Variants in PTPRM observed in about 807,000 individuals in gnomAD.
The protein encoded by PTPRM is receptor-type tyrosine-protein phosphatase mu.
A neutral mutation model predicts 186.7 loss-of-function variants in PTPRM; 47 were observed. The ratio of observed to expected loss-of-function variants is 0.25; its 90% CI spans 0.20 to 0.32. The LOEUF (loss-of-function observed/expected upper bound fraction) is 0.32, where lower values mean the gene tolerates loss of function less well. Ranked by LOEUF, PTPRM falls within the 10% of genes least tolerant of loss-of-function variation. PTPRM has a pLI of 1.00. For synonymous variants in PTPRM, 668 were observed against 674.9 expected, an observed-to-expected ratio of 0.99 and a Z score of 0.16; for missense variants, 1,494 against 1,865.0, an observed-to-expected ratio of 0.80 and a Z score of 3.66.
intron 1 of PTPRM, among the ~76,000 whole-genome samples, chr18:7,762,395 A>G (rs2041818339): frequency 6.6e-6 from 1 of 152,032 alleles, no homozygotes; most frequent in South Asian, 2.1e-4. Context: ...TATGGGCAGG[A>G]GGATCATTGG....
At chr18:7,781,145 A>C (rs1259271116) in intron 2 of PTPRM, among the ~76,000 whole-genome samples, 1 of 152,216 alleles carries the variant, frequency 6.6e-6, no homozygotes, top group African/African-American at 2.4e-5. Flanking sequence ...ATTTTGACTC[A>C]GCTAAATGGG....
At chr18:7,843,136 C>T (rs1454799320) in intron 2 of PTPRM, among the ~76,000 whole-genome samples, 7 of 151,968 alleles carry the variant, frequency 4.6e-5, no homozygotes, top group Non-Finnish European at 4.4e-5. Flanking sequence ...TAAAGTCACA[C>T]AGCTTATAAC....
intron 14 of PTPRM, among the ~76,000 whole-genome samples, chr18:8,167,827 T>G (rs9961564): frequency 0.053 from 8,044 of 152,308 alleles, 696 homozygotes; most frequent in African/African-American, 0.18. Flanking sequence ...CAGCAGTTCC[T>G]GTTCTTTGCC....
At chr18:8,404,256 C>CA (rs2148656850) in intron 32 of PTPRM, 1 of 152,340 alleles carries the variant, frequency 6.6e-6, no homozygotes, top group Admixed American at 6.5e-5. Context: ...AATGTTATTC[C>CA]ACTGACATTA....
chr18:7,975,244 A>G (rs375796759), intron 7 of PTPRM, among the ~76,000 whole-genome samples: 2 of 152,228 alleles, frequency 1.3e-5, no homozygotes, highest in Admixed American at 6.5e-5. Flanking sequence ...TTACTGTACA[A>G]TCCAGCAGTT....
intron 7 of PTPRM, among the ~76,000 whole-genome samples, chr18:8,064,701 C>A (rs925458360): frequency 6.6e-6 from 1 of 152,176 alleles, no homozygotes; most frequent in Non-Finnish European, 1.5e-5. Context: ...TTCAGCTTGA[C>A]TGACAAGGTA....
At chr18:7,829,198 T>C (rs1433765282) in intron 2 of PTPRM, among the ~76,000 whole-genome samples, 1 of 152,244 alleles carries the variant, frequency 6.6e-6, no homozygotes, top group Admixed American at 6.5e-5. Flanking sequence ...AAAGCACTTC[T>C]GTTGAGAGGA....
chr18:7,717,585 C>T (rs2040363703), intron 1 of PTPRM, among the ~76,000 whole-genome samples: 1 of 152,216 alleles, frequency 6.6e-6, no homozygotes, highest in South Asian at 2.1e-4. Context: ...TAGTTCATTG[C>T]CTTCACTGGC....
At chr18:7,881,879 T>C (rs2048526709) in intron 2 of PTPRM, among the ~76,000 whole-genome samples, 1 of 152,158 alleles carries the variant, frequency 6.6e-6, no homozygotes, top group Non-Finnish European at 1.5e-5. Context: ...CCACTTTCCC[T>C]CTTCATTTTC....
At chr18:7,803,673 G>A (rs1029319419) in intron 2 of PTPRM, among the ~76,000 whole-genome samples, 5 of 152,090 alleles carry the variant, frequency 3.3e-5, no homozygotes, top group Non-Finnish European at 7.3e-5. Context: ...AGAAGAGAAG[G>A]GGCTGAAGAA....
At chr18:7,786,878 A>AT (rs1296974514) in intron 2 of PTPRM, among the ~76,000 whole-genome samples, 1 of 152,218 alleles carries the variant, frequency 6.6e-6, no homozygotes, top group East Asian at 1.9e-4. Context: ...TACAGTTTGT[A>AT]TTTTTTAGCA....
At chr18:7,656,290 G>C (rs975118342) in intron 1 of PTPRM, among the ~76,000 whole-genome samples, 4 of 152,296 alleles carry the variant, frequency 2.6e-5, no homozygotes, top group Admixed American at 2.0e-4. Flanking sequence ...CCTTGAGGAC[G>C]TTGTGCTGAG....
intron 19 of PTPRM, among the ~76,000 whole-genome samples, chr18:8,259,733 C>T (rs567439524): frequency 4.0e-5 from 6 of 151,802 alleles, no homozygotes; most frequent in Admixed American, 2.0e-4. Context: ...CTGCAACCTT[C>T]GCCTCCTGGG....
chr18:8,051,305 T>A (rs942098821), intron 7 of PTPRM, among the ~76,000 whole-genome samples: 1 of 152,218 alleles, frequency 6.6e-6, no homozygotes, highest in Non-Finnish European at 1.5e-5. Flanking sequence ...TCTGAAGTTA[T>A]GTAATATTTG....
intron 14 of PTPRM, among the ~76,000 whole-genome samples, chr18:8,216,768 G>C (rs1402382324): frequency 6.6e-6 from 1 of 152,234 alleles, no homozygotes; most frequent in Admixed American, 6.5e-5. Flanking sequence ...CACAGAAGTA[G>C]ATGCTCTTTT....
chr18:7,960,480 T>TGTATATATATACAC lies in PTPRM; in HGVS notation c.1132+5066_1132+5067insGTATATATATACAC, dbSNP rs1555663278. 2.1e-3 allele frequency among the ~76,000 whole-genome samples: 178 copies of TGTATATATATACAC among 86,590 alleles called. 1 individual carries two copies. Among genetic ancestry groups the TGTATATATATACAC allele is most frequent in the African/African-American group, 7.5e-3 (173 of 22,914 alleles). The allele number at this position is 86,590 out of a possible 152,430, so 56.8% of individuals were successfully genotyped here. On this transcript the variant is annotated intron_variant, in intron 7 of 32. Coordinates refer to ENST00000580170, the MANE Select transcript of PTPRM (RefSeq NM_001105244.2). ...ATATATATATATATATATATATATA[T>TGTATATATATACAC]ACACACACACACACACACACACACA...
chr18:8,121,896 T>C (rs1331805645), intron 13 of PTPRM: 2 of 152,200 alleles, frequency 1.3e-5, no homozygotes, highest in African/African-American at 2.4e-5. Flanking sequence ...TCAATTTCAA[T>C]TGGAAACACT....
intron 19 of PTPRM, among the ~76,000 whole-genome samples, chr18:8,275,330 A>T (rs1044049123): frequency 6.6e-6 from 1 of 152,164 alleles, no homozygotes; most frequent in African/African-American, 2.4e-5. Context: ...CTGTGGTTCC[A>T]GCTACTCGGA....
intron 2 of PTPRM, among the ~76,000 whole-genome samples, chr18:7,813,525 C>T (rs1328595345): frequency 6.6e-6 from 1 of 152,196 alleles, no homozygotes; most frequent in East Asian, 1.9e-4. Flanking sequence ...GGGCACTTAT[C>T]ATCCAGATGT....
Sources: allele counts gnomAD v4.1 joint callset (sites outside exome capture counted in the v4.1 genomes callset), GRCh38; gene constraint gnomAD v4.1.1; transcripts MANE v1.5; gene names NCBI Gene and HGNC (gene_info 2026-07-23, HGNC 2026-07-21).